ZFYVE26: variants seen among roughly 807,000 people sequenced by gnomAD.
The protein encoded by ZFYVE26 is zinc finger FYVE-type containing 26.
In ZFYVE26, 181 loss-of-function variants were observed where a neutral mutation model predicts 276.5. The observed-to-expected ratio is 0.65, with a 90% confidence interval of 0.58 to 0.74. The LOEUF (loss-of-function observed/expected upper bound fraction) is 0.74, where lower values mean the gene tolerates loss of function less well. Ranked by LOEUF, ZFYVE26 falls within the 30% of genes least tolerant of loss-of-function variation. The pLI is 0.00. For synonymous variants in ZFYVE26, 1,129 were observed against 1,203.1 expected (o/e 0.94, Z 1.27); for missense variants, 2,821 against 3,097.9 (o/e 0.91, Z 2.12).
In ZFYVE26 at chr14:67,769,678, C is replaced by A; in HGVS notation, c.5537G>T (p.Cys1846Phe). The change falls in exon 29 of 42, where the codon TGC becomes TTC. Residue 1846 changes from cysteine (C) to phenylalanine (F), a missense_variant. Cys to Phe is a radical substitution (Grantham distance 205). Coordinates refer to ENST00000347230, the MANE Select transcript of ZFYVE26 (RefSeq NM_015346.4). ...RRCGRLVCSS[C>F]STKKMVVEGC... ...TTCAACCACCATTTTCTTAGTGGAG[C>A]AGGAGCTGCACACTAGCCGGCCACA... is the stretch of plus-strand genomic sequence containing the variant. The A allele has an allele frequency of 1.9e-6, 3 of 1,614,090 alleles. No individual in the cohort carries two copies. The highest frequency in any genetic ancestry group is 2.5e-6 in the Non-Finnish European group (3 of 1,179,988).
In ZFYVE26 at chr14:67,807,490, T is replaced by C. The variant is rs1453718773; in HGVS notation, c.794A>G (p.His265Arg). ...GGACAGCAGGCCCCGGCTGGCCTTG[T>C]GCAGCAGGCAGCTGAGCAGCCGCTC... ...REERLLSCLL[H>R]KASRGLLSLY... The change falls in exon 5 of 42, where the codon CAC (histidine) becomes CGC (arginine). Residue 265 changes from histidine to arginine, a missense_variant. By Grantham distance (29) the His-to-Arg change is conservative. Transcript: ENST00000347230. The C allele has an allele frequency of 2.5e-6, 4 of 1,613,996 alleles. No individual in the cohort carries two copies. In the South Asian group the frequency reaches 3.3e-5, roughly 13 times the overall value.
chr14:67,793,590 G>C lies in ZFYVE26; in HGVS notation c.2553+18C>G. 2 of 1,612,358 alleles carry C rather than the reference G, an allele frequency of 1.2e-6. No individual in the cohort carries two copies. The highest frequency in any genetic ancestry group is 1.7e-6 in the Non-Finnish European group (2 of 1,179,276). ...TGCTAAGTCATTCAGGGGCTGAAAA[G>C]GTATGGCCTCCCCTCACCTGATGGG... On this transcript the variant is annotated intron_variant, in intron 14 of 41. Transcript: ENST00000347230.
At chr14:67,732,269 C>A (rs2038288918) in intron 13 of ZFYVE26, among the ~76,000 whole-genome samples, 1 of 151,656 alleles carries the variant, frequency 6.6e-6, no homozygotes, top group South Asian at 2.1e-4. Flanking sequence ...AGACCCCCAT[C>A]TCTACTAAAA....
At position 67,780,325 on chromosome 14, in the gene ZFYVE26, G is replaced by A; in HGVS notation, c.4590C>T (p.Pro1530=). The change falls in exon 23 of 42, where the codon CCC becomes CCT. Residue 1530 remains proline (P), a synonymous_variant. Transcript: ENST00000347230. ...VYQKILGLQS[P]PVWCDWQTLR... ...AGGTCTGCCAGTCACACCACACTGG[G>A]GGAGACTGCAAACCCAGAATCTAAG... is the stretch of plus-strand genomic sequence containing the variant. 1 of 1,613,730 alleles carries A rather than the reference G, an allele frequency of 6.2e-7. No individual in the cohort carries two copies. Among genetic ancestry groups the A allele is most frequent in the Non-Finnish European group, 8.5e-7 (1 of 1,179,924 alleles).
chr14:67,758,999 G>C (rs912449867), intron 35 of ZFYVE26, among the ~76,000 whole-genome samples: 2 of 151,732 alleles, frequency 1.3e-5, no homozygotes, highest in South Asian at 4.2e-4. Flanking sequence ...CAGCACTTTG[G>C]GAGGCCGAGG....
chr14:67,808,861 G>A (rs1321035499), intron 4 of ZFYVE26, among the ~76,000 whole-genome samples: 2 of 152,038 alleles, frequency 1.3e-5, no homozygotes, highest in African/African-American at 2.4e-5. Flanking sequence ...ACCCCCAGAA[G>A]GTTGTTATGA....
intron 16 of ZFYVE26, among the ~76,000 whole-genome samples, chr14:67,787,798 T>G (rs1487343285): frequency 1.3e-5 from 2 of 152,210 alleles, no homozygotes; most frequent in Non-Finnish European, 1.5e-5. Context: ...TTAAAGGACA[T>G]TTTAACCAAC....
At chr14:67,769,015 CT>C (rs1301628321) in intron 29 of ZFYVE26, among the ~76,000 whole-genome samples, 5 of 152,182 alleles carry the variant, frequency 3.3e-5, no homozygotes, top group Admixed American at 2.6e-4. Context: ...GTTCATGCTT[CT>C]TTGCTACTAG....
intron 16 of ZFYVE26, 41 bp from the exon 17 acceptor site, chr14:67,786,274 A>AAAAAAAAAAAATT: frequency 6.3e-7 from 1 of 1,587,984 alleles, no homozygotes. Flanking sequence ...AAAAAAAAAA[A>AAAAAAAAAAAATT]TTGAAGTGTT....
rs2039336220 is a variant in ZFYVE26 at position 67,776,100 on chromosome 14, G to A, written c.4981C>T (p.Leu1661=). 7.4e-6 allele frequency: 12 copies of A among 1,614,168 alleles called. No individual in the cohort carries two copies. The highest frequency in any genetic ancestry group is 1.0e-5 in the Non-Finnish European group (12 of 1,180,010). Residue 1661 remains leucine, a synonymous_variant, in exon 26 of 42, where the codon CTG becomes TTG. Transcript: ENST00000347230. ...GCCCGGTGCTGCTCAGGCAGGGTCA[G>A]CAGAATCTGTTTGTGGGGTAGATCC... ...QALYVGSKIL[L]TLPEQHRASY...
intron 26 of ZFYVE26, 34 bp from the exon 27 acceptor site, chr14:67,775,148 T>A: frequency 1.0e-5 from 15 of 1,445,916 alleles, no homozygotes; most frequent in Non-Finnish European, 1.3e-5. Context: ...AAAATATGGT[T>A]CTACCATAAG....
At chr14:67,808,041 A>T in intron 4 of ZFYVE26, 121 bp from the exon 5 acceptor site, 1 of 1,186,328 alleles carries the variant, frequency 8.4e-7, no homozygotes. Flanking sequence ...ACAAATACTT[A>T]TGTCGTAGTT....
At chr14:67,730,356 A>G (rs1285418410) in intron 13 of ZFYVE26, among the ~76,000 whole-genome samples, 1 of 152,144 alleles carries the variant, frequency 6.6e-6, no homozygotes, top group Non-Finnish European at 1.5e-5. Context: ...CCAGATTGAG[A>G]TGCACTGTAA....
At chr14:67,779,965 G>A (rs1303108970) in intron 23 of ZFYVE26, among the ~76,000 whole-genome samples, 1 of 152,046 alleles carries the variant, frequency 6.6e-6, no homozygotes, top group Non-Finnish European at 1.5e-5. Flanking sequence ...TCCGCCTCCT[G>A]GGTTCACGCC....
At chr14:67,768,262 C>G (rs929420093) in intron 30 of ZFYVE26, among the ~76,000 whole-genome samples, 2 of 152,168 alleles carry the variant, frequency 1.3e-5, no homozygotes, top group Non-Finnish European at 2.9e-5. Context: ...ATAAAATCAC[C>G]TACTAAAAAG....
At position 67,809,579 on chromosome 14, in the gene ZFYVE26, C is replaced by G. The variant is rs868812854; in HGVS notation, c.274-290G>C. Among the ~76,000 whole-genome samples the G allele has an allele frequency of 3.3e-5, 5 of 151,546 alleles. No homozygotes were observed. In the South Asian group the frequency reaches 1.0e-3, roughly 31 times the overall value. ...CTGGGATTACAGGTGCGCACCACCA[C>G]GTCCAGCTAATTTTTATATTTTTAT... On this transcript the variant is annotated intron_variant, in intron 3 of 41. Coordinates refer to ENST00000347230, the MANE Select transcript of ZFYVE26 (RefSeq NM_015346.4).
In ZFYVE26 at chr14:67,798,589, C is replaced by T. The variant is rs1354078978; in HGVS notation, c.1673G>A (p.Arg558Lys). ...AANLFSTYLA[R>K]CQQYLCSIPD... ...AATACTGCACAGATACTGTTGACAC[C>T]TGGCCAGGTAAGTTGAGAAGAGATT... Residue 558 changes from arginine to lysine, a missense_variant, in exon 11 of 42, where the codon AGG becomes AAG. Arg to Lys is a conservative substitution (Grantham distance 26, BLOSUM62 2). Transcript: ENST00000347230. 1.2e-6 allele frequency: 2 copies of T among 1,614,072 alleles called. No homozygotes were observed. The highest frequency in any genetic ancestry group is 1.7e-6 in the Non-Finnish European group (2 of 1,180,032).
intron 29 of ZFYVE26, among the ~76,000 whole-genome samples, chr14:67,768,755 G>A (rs544145050): frequency 2.6e-5 from 4 of 152,282 alleles, no homozygotes; most frequent in African/African-American, 9.6e-5. Context: ...TCCTCCAGGA[G>A]GGAGGGAGGC....
chr14:67,793,974 C>T (rs2039889190), intron 13 of ZFYVE26, among the ~76,000 whole-genome samples, 197 bp downstream of exon 13: 1 of 152,132 alleles, frequency 6.6e-6, no homozygotes. Context: ...TGGGTATTTA[C>T]CTCTATTTCT....
Sources: gnomAD v4.1 joint callset for allele counts (sites outside exome capture counted in the v4.1 genomes callset) on GRCh38, gnomAD v4.1.1 for gene constraint, MANE v1.5 for transcripts, NCBI Gene and HGNC (gene_info 2026-07-23, HGNC 2026-07-21) for gene names.